LUZP2: variants seen among roughly 807,000 people sequenced by gnomAD.
The protein encoded by LUZP2 is leucine zipper protein 2.
LUZP2 carries 52 observed loss-of-function variants against 51.6 expected under a neutral mutation model. The observed-to-expected ratio is 1.01, with a 90% confidence interval of 0.81 to 1.27. The LOEUF (loss-of-function observed/expected upper bound fraction) is 1.27, where lower values mean the gene tolerates loss of function less well. LUZP2 is among the 50% of genes most tolerant of loss of function. The probability of loss-of-function intolerance (pLI) is 0.00; values close to 1 mark genes in which losing one functional copy is unlikely to be tolerated. For synonymous variants in LUZP2, 154 were observed against 137.3 expected (o/e 1.12, Z -0.85); for missense variants, 436 against 395.4 (o/e 1.10, Z -0.87).
chr11:25,062,711 C>A (rs553928734), intron 10 of LUZP2, among the ~76,000 whole-genome samples: 1 of 150,078 alleles, frequency 6.7e-6, no homozygotes, highest in African/African-American at 2.4e-5. Context: ...TTTGACAATA[C>A]CGAGTTTAAT....
At chr11:25,051,600 G>C (rs118044047) in intron 10 of LUZP2, among the ~76,000 whole-genome samples, 3,915 of 152,214 alleles carry the variant, frequency 0.026, 69 homozygotes, top group Non-Finnish European at 0.039. Context: ...TACACAAAAT[G>C]GCGGGATATG....
chr11:24,545,888 A>C (rs1213305647), intron 1 of LUZP2, among the ~76,000 whole-genome samples: 1 of 152,088 alleles, frequency 6.6e-6, no homozygotes, highest in African/African-American at 2.4e-5. Flanking sequence ...GTATGGTCAT[A>C]TTAACAATAT....
chr11:24,832,397 A>G (rs572152639), intron 5 of LUZP2, among the ~76,000 whole-genome samples: 45 of 152,100 alleles, frequency 3.0e-4, no homozygotes, highest in African/African-American at 1.1e-3. Context: ...AAGGTAATAA[A>G]ATAGATATTA....
At chr11:24,588,955 A>G (rs531241966) in intron 1 of LUZP2, among the ~76,000 whole-genome samples, 1 of 152,270 alleles carries the variant, frequency 6.6e-6, no homozygotes, top group South Asian at 2.1e-4. Context: ...CTAAGGTTCA[A>G]GTAGCAAACA....
chr11:24,921,709 A>T (rs1348617892), intron 7 of LUZP2, among the ~76,000 whole-genome samples: 1 of 152,192 alleles, frequency 6.6e-6, no homozygotes, highest in Non-Finnish European at 1.5e-5. Flanking sequence ...TCTAGGCATT[A>T]AAACATATAC....
At chr11:24,982,860 G>A (rs565341642) in intron 8 of LUZP2, among the ~76,000 whole-genome samples, 1 of 151,868 alleles carries the variant, frequency 6.6e-6, no homozygotes, top group African/African-American at 2.4e-5. Context: ...TATCATGGTG[G>A]AAATCATGTC....
intron 1 of LUZP2, among the ~76,000 whole-genome samples, chr11:24,563,169 T>C (rs78864378): frequency 3.3e-5 from 5 of 152,254 alleles, no homozygotes; most frequent in African/African-American, 1.2e-4. Flanking sequence ...CAAGAATGGG[T>C]CTGACAATTT....
intron 5 of LUZP2, among the ~76,000 whole-genome samples, chr11:24,801,322 C>G (rs1057413454): frequency 4.6e-5 from 7 of 152,078 alleles, no homozygotes; most frequent in African/African-American, 1.7e-4. Flanking sequence ...TCAAAGCTTT[C>G]TGAATGCTCC....
intron 1 of LUZP2, among the ~76,000 whole-genome samples, chr11:24,682,861 G>T (rs1293087844): frequency 6.6e-6 from 1 of 151,834 alleles, no homozygotes; most frequent in Admixed American, 6.6e-5. Context: ...AAAATTAGCT[G>T]GGCGTGATGG....
At chr11:25,014,123 C>T (rs375244011) in intron 9 of LUZP2, among the ~76,000 whole-genome samples, 1 of 152,140 alleles carries the variant, frequency 6.6e-6, no homozygotes, top group African/African-American at 2.4e-5. Context: ...TGTATATGTG[C>T]CACATTTTCT....
At chr11:24,825,582 G>A (rs879658082) in intron 5 of LUZP2, among the ~76,000 whole-genome samples, 2 of 152,100 alleles carry the variant, frequency 1.3e-5, no homozygotes, top group African/African-American at 2.4e-5. Context: ...TATGAGTAGG[G>A]TCTCAAGGTG....
intron 1 of LUZP2, among the ~76,000 whole-genome samples, chr11:24,594,601 A>G (rs1172615609): frequency 6.6e-6 from 1 of 152,156 alleles, no homozygotes; most frequent in Non-Finnish European, 1.5e-5. Context: ...TAATAAATCC[A>G]AGGCCAAATT....
intron 1 of LUZP2, among the ~76,000 whole-genome samples, chr11:24,589,766 G>A (rs1053262128): frequency 9.2e-5 from 14 of 152,070 alleles, no homozygotes; most frequent in African/African-American, 3.4e-4. Flanking sequence ...TTCTGATTCT[G>A]ACCTTGACCT....
At chr11:24,715,793 T>G (rs568305853) in intron 1 of LUZP2, among the ~76,000 whole-genome samples, 1 of 152,312 alleles carries the variant, frequency 6.6e-6, no homozygotes, top group East Asian at 1.9e-4. Context: ...TTAGGGATAC[T>G]TCATTGTTAA....
intron 1 of LUZP2, among the ~76,000 whole-genome samples, chr11:24,607,725 A>C (rs1217236045): frequency 6.6e-6 from 1 of 151,642 alleles, no homozygotes; most frequent in Non-Finnish European, 1.5e-5. Context: ...GGTAGTATGG[A>C]CTTTTTCATA....
intron 1 of LUZP2, among the ~76,000 whole-genome samples, chr11:24,621,961 T>A (rs1010102215): frequency 2.0e-5 from 3 of 147,522 alleles, no homozygotes. Context: ...CATACATCTT[T>A]AAAAAAAAAA....
At chr11:24,934,661 T>C (rs1854542939) in intron 7 of LUZP2, among the ~76,000 whole-genome samples, 3 of 152,364 alleles carry the variant, frequency 2.0e-5, no homozygotes, top group Middle Eastern at 6.8e-3. Flanking sequence ...AAATGTTATA[T>C]GTCAGGACTT....
chr11:25,053,852 A>G lies in LUZP2; in HGVS notation c.858+3722A>G, dbSNP rs1238304192. Among the ~76,000 whole-genome samples, 4 of 152,164 alleles carry G rather than the reference A, an allele frequency of 2.6e-5. No individual in the cohort carries two copies. In the South Asian group the frequency reaches 6.2e-4, roughly 24 times the overall value. Reference sequence around the variant, plus strand: ...GGTTTGATGATAAGTTTATGCTTATATTGAAAAATTGGTACATTCTTTCCC... The same window carrying G: ...GGTTTGATGATAAGTTTATGCTTATGTTGAAAAATTGGTACATTCTTTCCC... On this transcript the variant is annotated intron_variant, in intron 10 of 11. Coordinates refer to ENST00000336930, the MANE Select transcript of LUZP2 (RefSeq NM_001009909.4).
intron 4 of LUZP2, among the ~76,000 whole-genome samples, chr11:24,758,522 G>T (rs1859857431): frequency 6.6e-6 from 1 of 151,780 alleles, no homozygotes; most frequent in Non-Finnish European, 1.5e-5. Flanking sequence ...GGTTAAATAA[G>T]GATTAAATTA....
Sources: allele counts gnomAD v4.1 joint callset (sites outside exome capture counted in the v4.1 genomes callset), GRCh38; gene constraint gnomAD v4.1.1; transcripts MANE v1.5; gene names NCBI Gene and HGNC (gene_info 2026-07-23, HGNC 2026-07-21).